The following RWDD1 variants were observed in gnomAD, a reference collection of about 807,000 sequenced individuals.
The protein encoded by RWDD1 is RWD domain-containing protein 1.
Under a neutral mutation model 31.6 loss-of-function variants are expected in RWDD1, and 17 were observed. That is an observed-to-expected ratio of 0.54 (90% CI 0.37 to 0.81). The LOEUF (loss-of-function observed/expected upper bound fraction) is 0.81, where lower values mean the gene tolerates loss of function less well. RWDD1 is among the 30% of genes least tolerant of loss of function. The pLI, the probability that RWDD1 is intolerant of heterozygous loss-of-function variation, is 0.00. For synonymous variants in RWDD1, 78 were observed against 94.2 expected, an observed-to-expected ratio of 0.83 and a Z score of 0.99; for missense variants, 204 against 274.5, an observed-to-expected ratio of 0.74 and a Z score of 1.82.
In RWDD1 at chr6:116,597,190, G is replaced by T. The variant is rs1392394746; in HGVS notation, c.*4089G>T. On this transcript the variant is annotated 3_prime_UTR_variant, in exon 7 of 7. Coordinates refer to ENST00000466444, the MANE Select transcript of RWDD1 (RefSeq NM_015952.4). ...TAGCAAGTGAGAAAAAGAGAGACTA[G>T]TGGTGATGTTTTTAAGTAATTGAAG... 2 of 152,176 alleles carry T rather than the reference G, an allele frequency of 1.3e-5. No individual in the cohort carries two copies. Among genetic ancestry groups the T allele is most frequent in the Non-Finnish European group, 2.9e-5 (2 of 68,034 alleles). The allele number at this position is 152,176 out of a possible 1,614,324, so 9.4% of individuals were successfully genotyped here.
chr6:116,588,999 C>T lies in RWDD1; in HGVS notation c.414+14C>T. The T allele has an allele frequency of 7.7e-7, 1 of 1,292,284 alleles. No homozygotes were observed. The highest frequency in any genetic ancestry group is 1.0e-6 in the Non-Finnish European group (1 of 1,004,822). 80.1% of individuals were successfully genotyped at this position (1,292,284 alleles called of 1,614,324 possible). A position where few individuals can be genotyped will look rare whatever the true frequency, so the allele number is the denominator to read the frequency against. Reference sequence around the variant, plus strand: ...GAAGCTGAAAAGGTATATTTAAAAGCCTTGTTTTCTTTTATTATTTCTTAA... The same window carrying T: ...GAAGCTGAAAAGGTATATTTAAAAGTCTTGTTTTCTTTTATTATTTCTTAA... On this transcript the variant is annotated intron_variant, in intron 4 of 6. Transcript: ENST00000466444.
chr6:116,576,319 G>A (rs201233955), intron 1 of RWDD1, among the ~76,000 whole-genome samples: 2 of 152,172 alleles, frequency 1.3e-5, no homozygotes, highest in African/African-American at 4.8e-5. Flanking sequence ...ATAATTTCTT[G>A]TCTCTTTCAA....
chr6:116,583,510 T>C (rs1022762354), intron 2 of RWDD1, among the ~76,000 whole-genome samples: 10 of 151,922 alleles, frequency 6.6e-5, no homozygotes, highest in African/African-American at 2.4e-4. Context: ...CTGAAAGAGG[T>C]GATCTTAAGT....
chr6:116,579,146 G>T (rs186085264), intron 1 of RWDD1, among the ~76,000 whole-genome samples: 3 of 152,242 alleles, frequency 2.0e-5, no homozygotes, highest in Admixed American at 6.5e-5. Context: ...AAAGTGCTGG[G>T]ACTACAGGCA....
At chr6:116,590,971 C>A (rs757241281) in intron 6 of RWDD1, 21 bp downstream of exon 6, 6 of 1,557,914 alleles carry the variant, frequency 3.9e-6, no homozygotes, top group Middle Eastern at 2.3e-4. Flanking sequence ...AGTAGAATTC[C>A]ACATGTGGGA....
At chr6:116,574,368 A>G (rs1162773743) in intron 1 of RWDD1, among the ~76,000 whole-genome samples, 1 of 152,206 alleles carries the variant, frequency 6.6e-6, no homozygotes, top group African/African-American at 2.4e-5. Context: ...TGACAGTTAT[A>G]ATTGTATCTT....
chr6:116,576,383 T>C (rs772392991), intron 1 of RWDD1, among the ~76,000 whole-genome samples: 7 of 152,218 alleles, frequency 4.6e-5, no homozygotes, highest in Non-Finnish European at 1.0e-4. Context: ...TTGCCACACC[T>C]TGAAAATGCC....
chr6:116,574,481 G>A (rs145856513), intron 1 of RWDD1, among the ~76,000 whole-genome samples: 70 of 152,196 alleles, frequency 4.6e-4, no homozygotes, highest in African/African-American at 1.7e-3. Flanking sequence ...TTTAATATGG[G>A]CTCTCTCGTA....
intron 1 of RWDD1, among the ~76,000 whole-genome samples, chr6:116,575,795 A>G (rs1008439486): frequency 6.6e-6 from 1 of 152,176 alleles, no homozygotes; most frequent in African/African-American, 2.4e-5. Context: ...GTAGTCTTAC[A>G]CTCGTGGCCA....
rs1323799628 is a variant in RWDD1 at position 116,594,120 on chromosome 6, T to TA, written c.*1019_*1020insA. 6.6e-6 allele frequency: 1 copy of TA among 151,240 alleles called. No homozygotes were observed. Among genetic ancestry groups the TA allele is most frequent in the Non-Finnish European group, 1.5e-5 (1 of 67,984 alleles). 9.4% of individuals were successfully genotyped at this position (151,240 alleles called of 1,614,324 possible). A position where few individuals can be genotyped will look rare whatever the true frequency, so the allele number is the denominator to read the frequency against. Reference sequence around the variant, plus strand: ...AGTGAGGGTGGAAGTGCCAGGCTTTTTTTTTTTTTTTAAACTAGCTTTGGT... The same window carrying TA: ...AGTGAGGGTGGAAGTGCCAGGCTTTTATTTTTTTTTTTAAACTAGCTTTGGT... On this transcript the variant is annotated 3_prime_UTR_variant, in exon 7 of 7. Coordinates refer to ENST00000466444, the MANE Select transcript of RWDD1 (RefSeq NM_015952.4).
rs1775234897 is a variant in RWDD1 at position 116,596,041 on chromosome 6, AAAG to A, written c.*2945_*2947del. The A allele has an allele frequency of 6.6e-6, 1 of 152,182 alleles. No homozygotes were observed. Among genetic ancestry groups the A allele is most frequent in the African/African-American group, 2.4e-5 (1 of 41,464 alleles). 9.4% of individuals were successfully genotyped at this position (152,182 alleles called of 1,614,324 possible). ...AAAGAGATGCACTCTTGTATTCCAG[AAAG>A]AAGATGATTTGTAAGTGTTCAGTAT... On this transcript the variant is annotated 3_prime_UTR_variant, in exon 7 of 7. Transcript: ENST00000466444.
At chr6:116,586,685 C>G (rs981687148) in intron 3 of RWDD1, among the ~76,000 whole-genome samples, 15 of 152,072 alleles carry the variant, frequency 9.9e-5, no homozygotes, top group African/African-American at 3.6e-4. Context: ...CTCCTAGTGC[C>G]TTGCACATAA....
chr6:116,591,154 C>A (rs1775137971), intron 6 of RWDD1, among the ~76,000 whole-genome samples: 1 of 151,246 alleles, frequency 6.6e-6, no homozygotes, highest in South Asian at 2.1e-4. Context: ...AATTTTGAAC[C>A]ATGAAAATCA....
chr6:116,573,428 ATCTG>A (rs1562374656), intron 1 of RWDD1, among the ~76,000 whole-genome samples: 1 of 152,238 alleles, frequency 6.6e-6, no homozygotes, highest in Admixed American at 6.5e-5. Flanking sequence ...CAGATGAGCC[ATCTG>A]TCTCTAACTC....
rs1020532690 is a variant in RWDD1 at position 116,578,329 on chromosome 6, T to G, written c.74-1966T>G. On this transcript the variant is annotated intron_variant, in intron 1 of 6. Coordinates refer to ENST00000466444, the MANE Select transcript of RWDD1 (RefSeq NM_015952.4). ...TTCTTAGTGGTATGTAAAGCATATCTCATACTTGATGGCATTGAAAATTTA... is the reference window on the plus strand; with the variant it reads ...TTCTTAGTGGTATGTAAAGCATATCGCATACTTGATGGCATTGAAAATTTA... Among the ~76,000 whole-genome samples the G allele has an allele frequency of 3.3e-5, 5 of 152,228 alleles. No homozygotes were observed. In the South Asian group the frequency reaches 1.0e-3, roughly 31 times the overall value.
chr6:116,591,572 A>T (rs4142086), intron 6 of RWDD1, among the ~76,000 whole-genome samples: 1 of 152,150 alleles, frequency 6.6e-6, no homozygotes, highest in African/African-American at 2.4e-5. Context: ...TACCACCTAT[A>T]CTCTTCCATC....
intron 5 of RWDD1, 87 bp downstream of exon 5, chr6:116,590,491 T>A: frequency 6.9e-7 from 1 of 1,444,844 alleles, no homozygotes; most frequent in East Asian, 2.4e-5. Context: ...CAGATTTCTG[T>A]AAGAAAATAA....
chr6:116,587,010 C>T (rs188929668), intron 3 of RWDD1, among the ~76,000 whole-genome samples: 7 of 152,146 alleles, frequency 4.6e-5, no homozygotes, highest in Admixed American at 3.9e-4. Flanking sequence ...GTATGACTTC[C>T]GAGTTATCCA....
At chr6:116,575,373 A>G (rs1293989128) in intron 1 of RWDD1, among the ~76,000 whole-genome samples, 2 of 152,208 alleles carry the variant, frequency 1.3e-5, no homozygotes, top group East Asian at 3.8e-4. Context: ...AGCGTGAGTC[A>G]CCATGCCTGG....
Sources: gnomAD v4.1 joint callset for allele counts (sites outside exome capture counted in the v4.1 genomes callset) on GRCh38, gnomAD v4.1.1 for gene constraint, MANE v1.5 for transcripts, NCBI Gene and HGNC (gene_info 2026-07-23, HGNC 2026-07-21) for gene names.